Variants in CYP39A1 observed in about 807,000 individuals in gnomAD.
The protein encoded by CYP39A1 is cytochrome P450 family 39 subfamily A member 1.
Under a neutral mutation model 58.1 loss-of-function variants are expected in CYP39A1, and 49 were observed. The ratio of observed to expected loss-of-function variants is 0.84; its 90% CI spans 0.67 to 1.07. The LOEUF (loss-of-function observed/expected upper bound fraction) is 1.07, where lower values mean the gene tolerates loss of function less well. Ranked by LOEUF, CYP39A1 falls within the 50% of genes least tolerant of loss-of-function variation. The pLI is 0.00. For missense variants in CYP39A1, 531 were observed against 539.4 expected (o/e 0.98, Z 0.16); for synonymous variants, 209 against 187.6 (o/e 1.11, Z -0.93).
chr6:46,555,620 G>A (rs1259116447), intron 10 of CYP39A1, among the ~76,000 whole-genome samples: 1 of 152,082 alleles, frequency 6.6e-6, no homozygotes, highest in Non-Finnish European at 1.5e-5. Flanking sequence ...CTATATTACA[G>A]CTAGAATTTG....
In CYP39A1 at chr6:46,642,148, GA is replaced by G; in HGVS notation, c.313+14del. 3.1e-6 allele frequency: 5 copies of G among 1,611,934 alleles called. No homozygotes were observed. The highest frequency in any genetic ancestry group is 3.4e-6 in the Non-Finnish European group (4 of 1,178,784). On this transcript the variant is annotated intron_variant, in intron 2 of 11. Coordinates refer to ENST00000275016, the MANE Select transcript of CYP39A1 (RefSeq NM_016593.5). ...ATGTTGGATTTCGAATGGACTATCT[GA>G]AAATATTCTTTACCTGTACGATAAA...
At chr6:46,579,810 T>C (rs192861248) in intron 10 of CYP39A1, among the ~76,000 whole-genome samples, 1 of 151,994 alleles carries the variant, frequency 6.6e-6, no homozygotes, top group East Asian at 1.9e-4. Flanking sequence ...AGGTAAAATA[T>C]ATTTAAAATA....
At chr6:46,597,599 G>C (rs1773245019) in intron 7 of CYP39A1, among the ~76,000 whole-genome samples, 2 of 152,056 alleles carry the variant, frequency 1.3e-5, no homozygotes, top group South Asian at 4.1e-4. Context: ...TGAATGGGTG[G>C]ATATTTTAGG....
intron 10 of CYP39A1, among the ~76,000 whole-genome samples, chr6:46,570,792 T>C (rs1186768821): frequency 1.3e-5 from 2 of 152,246 alleles, no homozygotes; most frequent in East Asian, 1.9e-4. Flanking sequence ...TTCATTGCCA[T>C]AGAAAGGCCC....
At chr6:46,612,792 C>A (rs899769688) in intron 7 of CYP39A1, among the ~76,000 whole-genome samples, 2 of 152,232 alleles carry the variant, frequency 1.3e-5, no homozygotes, top group Non-Finnish European at 2.9e-5. Flanking sequence ...TTGGGCAATG[C>A]ATCGCACAAG....
At chr6:46,602,513 C>G (rs532123388) in intron 7 of CYP39A1, among the ~76,000 whole-genome samples, 2 of 151,778 alleles carry the variant, frequency 1.3e-5, no homozygotes, top group South Asian at 4.2e-4. Flanking sequence ...GTACCACACT[C>G]TAAGAACCAC....
At chr6:46,639,951 C>A (rs1203031999) in intron 2 of CYP39A1, among the ~76,000 whole-genome samples, 1 of 152,136 alleles carries the variant, frequency 6.6e-6, no homozygotes, top group Admixed American at 6.5e-5. Context: ...CCTGTCTCTA[C>A]TAAAAATAGG....
At chr6:46,648,531 A>AC (rs1475474743) in intron 1 of CYP39A1, among the ~76,000 whole-genome samples, 1 of 26,542 alleles carries the variant, frequency 3.8e-5, no homozygotes, top group Non-Finnish European at 6.7e-5. Context: ...GGGAGGGGGG[A>AC]GGGGGGAGGG....
intron 10 of CYP39A1, among the ~76,000 whole-genome samples, chr6:46,576,859 C>T (rs768360712): frequency 6.6e-6 from 1 of 152,116 alleles, no homozygotes; most frequent in Admixed American, 6.5e-5. Context: ...AGAAACCAAA[C>T]CTACAACTTA....
At chr6:46,560,528 G>A (rs1256589650) in intron 10 of CYP39A1, among the ~76,000 whole-genome samples, 1 of 152,134 alleles carries the variant, frequency 6.6e-6, no homozygotes, top group Non-Finnish European at 1.5e-5. Context: ...TGAAGGAAGA[G>A]GAGGTTGAGG....
In CYP39A1 at chr6:46,549,906, G is replaced by C. The variant is rs1770301330; in HGVS notation, c.*460C>G. ...CCTAGGAGTTCCAATTGCTAGTTGA[G>C]AATCACCTCAAGAAAAATAGAAAAT... On this transcript the variant is annotated 3_prime_UTR_variant, in exon 12 of 12. Transcript: ENST00000275016. 1 of 152,482 alleles carries C rather than the reference G, an allele frequency of 6.6e-6. No homozygotes were observed. The highest frequency in any genetic ancestry group is 2.1e-4 in the South Asian group (1 of 4,818). 9.4% of individuals were successfully genotyped at this position (152,482 alleles called of 1,614,324 possible). A position where few individuals can be genotyped will look rare whatever the true frequency, so the allele number is the denominator to read the frequency against.
chr6:46,605,527 G>A (rs1303617341), intron 7 of CYP39A1, among the ~76,000 whole-genome samples: 1 of 152,168 alleles, frequency 6.6e-6, no homozygotes, highest in Admixed American at 6.5e-5. Flanking sequence ...GCTGGAGGAT[G>A]TCCAGTGAGG....
At chr6:46,647,157 G>A (rs995092542) in intron 1 of CYP39A1, among the ~76,000 whole-genome samples, 10 of 151,928 alleles carry the variant, frequency 6.6e-5, no homozygotes, top group Admixed American at 5.9e-4. Flanking sequence ...TCTAATATAA[G>A]CACATAGTGA....
intron 10 of CYP39A1, among the ~76,000 whole-genome samples, chr6:46,584,699 C>G (rs1489330904): frequency 2.6e-5 from 4 of 152,126 alleles, no homozygotes; most frequent in Admixed American, 6.6e-5. Flanking sequence ...CCACTGTAAT[C>G]TGGTCCCAGT....
At chr6:46,552,767 G>A (rs999663457) in intron 11 of CYP39A1, among the ~76,000 whole-genome samples, 11 of 152,122 alleles carry the variant, frequency 7.2e-5, no homozygotes, top group Admixed American at 3.3e-4. Context: ...CAGCAGCAGC[G>A]GCATCACCTG....
At chr6:46,594,253 G>C (rs1773011154) in intron 8 of CYP39A1, among the ~76,000 whole-genome samples, 1 of 151,946 alleles carries the variant, frequency 6.6e-6, no homozygotes, top group Non-Finnish European at 1.5e-5. Context: ...ACCTGTTCTA[G>C]GGTCATTTTG....
At chr6:46,570,653 G>A (rs537640771) in intron 10 of CYP39A1, among the ~76,000 whole-genome samples, 1 of 152,268 alleles carries the variant, frequency 6.6e-6, no homozygotes, top group South Asian at 2.1e-4. Context: ...TGCTTCTGGT[G>A]AGGGCCTCAG....
chr6:46,603,234 C>T (rs981534169), intron 7 of CYP39A1, among the ~76,000 whole-genome samples: 2 of 152,272 alleles, frequency 1.3e-5, no homozygotes, highest in East Asian at 3.9e-4. Flanking sequence ...CTCAGGACCA[C>T]AAATTCACTA....
At chr6:46,620,587 C>T (rs1373306532) in intron 7 of CYP39A1, among the ~76,000 whole-genome samples, 1 of 152,090 alleles carries the variant, frequency 6.6e-6, no homozygotes, top group Admixed American at 6.6e-5. Flanking sequence ...AGAAGGGCAT[C>T]CATTTGCCCA....
Sources: gnomAD v4.1 joint callset for allele counts (sites outside exome capture counted in the v4.1 genomes callset) on GRCh38, gnomAD v4.1.1 for gene constraint, MANE v1.5 for transcripts, NCBI Gene and HGNC (gene_info 2026-07-23, HGNC 2026-07-21) for gene names.